Variants in ADAMTS3 observed in about 807,000 individuals in gnomAD.
ADAMTS3 encodes ADAM metallopeptidase with thrombospondin type 1 motif 3, also known as A disintegrin and metalloproteinase with thrombospondin motifs 3.
ADAMTS3 carries 73 observed loss-of-function variants against 129.0 expected under a neutral mutation model. The ratio of observed to expected loss-of-function variants is 0.57; its 90% CI spans 0.47 to 0.69. The LOEUF (loss-of-function observed/expected upper bound fraction) is 0.69. ADAMTS3 is among the 30% of genes least tolerant of loss of function. The pLI is 0.00. For synonymous variants in ADAMTS3, 477 were observed against 510.8 expected (o/e 0.93, Z 0.89); for missense variants, 1,457 against 1,514.5 (o/e 0.96, Z 0.63).
intron 3 of ADAMTS3, among the ~76,000 whole-genome samples, chr4:72,444,128 G>T (rs555996538): frequency 1.3e-5 from 2 of 151,714 alleles, no homozygotes; most frequent in African/African-American, 4.8e-5. Context: ...CACAAATGCA[G>T]CCAGTGCTTC....
In ADAMTS3 at chr4:72,307,157, T is replaced by C. The variant is rs187832806; in HGVS notation, c.2180-1090A>G. ...AACAAGTGTTTTTGTCATTTGTATA[T>C]GTATAATAATATACACCTATGAATA... On this transcript the variant is annotated intron_variant, in intron 15 of 21. Coordinates refer to ENST00000286657, the MANE Select transcript of ADAMTS3 (RefSeq NM_014243.3). Among the ~76,000 whole-genome samples, 16 of 152,164 alleles carry C rather than the reference T, an allele frequency of 1.1e-4. No individual in the cohort carries two copies. In the East Asian group the frequency reaches 2.9e-3, roughly 28 times the overall value.
intron 4 of ADAMTS3, among the ~76,000 whole-genome samples, chr4:72,353,877 A>G (rs547059587): frequency 1.3e-5 from 2 of 151,988 alleles, no homozygotes; most frequent in Admixed American, 6.6e-5. Flanking sequence ...CTACTTCTAG[A>G]ATTCCATGTT....
intron 3 of ADAMTS3, among the ~76,000 whole-genome samples, chr4:72,543,425 G>T (rs1297412771): frequency 2.0e-5 from 3 of 152,122 alleles, no homozygotes; most frequent in African/African-American, 7.2e-5. Context: ...CATGTTAATG[G>T]CAGCATTATT....
chr4:72,350,019 C>T (rs1201189380), intron 4 of ADAMTS3, among the ~76,000 whole-genome samples: 5 of 152,068 alleles, frequency 3.3e-5, no homozygotes, highest in South Asian at 2.1e-4. Flanking sequence ...GACAGAACAA[C>T]GTTTGCTATC....
At chr4:72,419,509 G>A (rs6815873) in intron 3 of ADAMTS3, among the ~76,000 whole-genome samples, 101,557 of 152,082 alleles carry the variant, frequency 0.67, 34,551 homozygotes, top group South Asian at 0.8. Flanking sequence ...AGGTTCTAAA[G>A]CAAGCTTGTC....
chr4:72,317,383 G>A (rs1719425837), intron 10 of ADAMTS3, among the ~76,000 whole-genome samples: 1 of 151,618 alleles, frequency 6.6e-6, no homozygotes, highest in African/African-American at 2.4e-5. Flanking sequence ...GTTTCAAACA[G>A]CAGATCAATT....
intron 11 of ADAMTS3, 84 bp from the exon 12 acceptor site, chr4:72,313,906 G>C: frequency 6.7e-7 from 1 of 1,502,948 alleles, no homozygotes; most frequent in Non-Finnish European, 9.2e-7. Context: ...CTAGTTGAAG[G>C]GCTTTCTTAC....
At chr4:72,302,303 T>A (rs1337929236) in intron 17 of ADAMTS3, among the ~76,000 whole-genome samples, 4 of 144,680 alleles carry the variant, frequency 2.8e-5, no homozygotes, top group Non-Finnish European at 1.5e-5. Context: ...AAAATGGAAA[T>A]AAAAAAAAAA....
At chr4:72,390,581 CTAAAAA>C (rs1297679420) in intron 4 of ADAMTS3, among the ~76,000 whole-genome samples, 1 of 152,084 alleles carries the variant, frequency 6.6e-6, no homozygotes, top group East Asian at 1.9e-4. Context: ...TAATATTCAA[CTAAAAA>C]TAACTACATT....
At chr4:72,543,735 T>C (rs958017625) in intron 3 of ADAMTS3, among the ~76,000 whole-genome samples, 9 of 152,122 alleles carry the variant, frequency 5.9e-5, no homozygotes, top group Admixed American at 2.6e-4. Flanking sequence ...AAGTAATTTT[T>C]TAATAGGTAT....
intron 3 of ADAMTS3, among the ~76,000 whole-genome samples, chr4:72,490,351 T>A (rs2110014214): frequency 6.6e-6 from 1 of 152,152 alleles, no homozygotes; most frequent in Middle Eastern, 3.4e-3. Context: ...CTTTTCACTT[T>A]GATGTAAATT....
intron 4 of ADAMTS3, among the ~76,000 whole-genome samples, chr4:72,389,980 G>A (rs576221530): frequency 6.6e-6 from 1 of 152,292 alleles, no homozygotes; most frequent in South Asian, 2.1e-4. Context: ...CTGCAAGAAT[G>A]AGAGACAGAA....
intron 5 of ADAMTS3, among the ~76,000 whole-genome samples, chr4:72,327,104 G>T (rs1191378073): frequency 6.6e-6 from 1 of 151,906 alleles, no homozygotes; most frequent in Non-Finnish European, 1.5e-5. Flanking sequence ...TAAAAGCAAA[G>T]AAAAATATTG....
At chr4:72,528,468 ACT>A (rs372507309) in intron 3 of ADAMTS3, among the ~76,000 whole-genome samples, 1 of 151,494 alleles carries the variant, frequency 6.6e-6, no homozygotes, top group African/African-American at 2.4e-5. Flanking sequence ...AGAAAATATC[ACT>A]TTTACCCCAT....
At chr4:72,512,397 C>G (rs1051048679) in intron 3 of ADAMTS3, among the ~76,000 whole-genome samples, 22 of 152,042 alleles carry the variant, frequency 1.4e-4, no homozygotes, top group African/African-American at 4.6e-4. Flanking sequence ...GAGGCTGAGG[C>G]AGAAGAATCG....
chr4:72,408,108 C>A (rs1722096060), intron 4 of ADAMTS3, among the ~76,000 whole-genome samples: 1 of 152,096 alleles, frequency 6.6e-6, no homozygotes, highest in Admixed American at 6.6e-5. Context: ...ATTAAAGGAG[C>A]ATTTGTTTTA....
intron 3 of ADAMTS3, among the ~76,000 whole-genome samples, chr4:72,493,421 C>A (rs1200787447): frequency 6.6e-6 from 1 of 151,862 alleles, no homozygotes; most frequent in Non-Finnish European, 1.5e-5. Context: ...TCATGGCTTG[C>A]ATAAAATATC....
At chr4:72,371,857 G>C (rs1418635553) in intron 4 of ADAMTS3, among the ~76,000 whole-genome samples, 1 of 150,640 alleles carries the variant, frequency 6.6e-6, no homozygotes, top group Non-Finnish European at 1.5e-5. Flanking sequence ...TTTATTGCTG[G>C]ATAATAACAT....
In ADAMTS3 at chr4:72,319,049, TC is replaced by T. The variant is rs545379481; in HGVS notation, c.1352+282del. Among the ~76,000 whole-genome samples the T allele has an allele frequency of 6.6e-5, 10 of 151,912 alleles. No homozygotes were observed. The East Asian group carries it at 1.9e-3, about 29-fold the overall frequency. ...ATATGCAGAAACCACATGACCATCC[TC>T]CCCCCATCCTCAAGTTTGACCATTA... is the stretch of plus-strand genomic sequence containing the variant. On this transcript the variant is annotated intron_variant, in intron 9 of 21. Transcript: ENST00000286657.
Sources: allele counts gnomAD v4.1 joint callset (sites outside exome capture counted in the v4.1 genomes callset), GRCh38; gene constraint gnomAD v4.1.1; transcripts MANE v1.5; gene names NCBI Gene and HGNC (gene_info 2026-07-23, HGNC 2026-07-21).